NFX1: variants seen among roughly 807,000 people sequenced by gnomAD.
The protein encoded by NFX1 is nuclear transcription factor, X-box binding 1, also known as transcriptional repressor NF-X1.
A neutral mutation model predicts 137.2 loss-of-function variants in NFX1; 69 were observed. The ratio of observed to expected loss-of-function variants is 0.50; its 90% confidence interval spans 0.41 to 0.61. The LOEUF is 0.61. Ranked by LOEUF, NFX1 falls within the 20% of genes least tolerant of loss-of-function variation. NFX1 has a pLI of 0.00. For missense variants in NFX1, 1,167 were observed against 1,391.0 expected (o/e 0.84, Z 2.56); for synonymous variants, 495 against 474.1 (o/e 1.04, Z -0.57).
At position 33,326,413 on chromosome 9, in the gene NFX1, TAAAAAAAAAAAA is replaced by T. The variant is rs368993458; in HGVS notation, c.1907-2155_1907-2144del. On this transcript the variant is annotated intron_variant, in intron 9 of 23. Coordinates refer to ENST00000379540, the MANE Select transcript of NFX1 (RefSeq NM_002504.6). ...GGGCAACAGAGCAAGCCTCTGTCTT[TAAAAAAAAAAAA>T]AAAAAAAAAAAAGCTGGGCACTGTA... 4.5e-5 allele frequency among the ~76,000 whole-genome samples: 4 copies of T among 88,792 alleles called. 1 individual carries two copies. The highest frequency in any genetic ancestry group is 4.0e-4 in the Admixed American group (3 of 7,582). 58.3% of individuals were successfully genotyped at this position (88,792 alleles called of 152,430 possible). A position where few individuals can be genotyped will look rare whatever the true frequency, so the allele number is the denominator to read the frequency against.
chr9:33,352,765 G>A, intron 17 of NFX1, 46 bp downstream of exon 17: 1 of 1,476,388 alleles, frequency 6.8e-7, no homozygotes, highest in Non-Finnish European at 9.5e-7. Flanking sequence ...AGGTGAAACA[G>A]ATACATGTGT....
intron 5 of NFX1, among the ~76,000 whole-genome samples, chr9:33,309,214 G>A (rs1821872369): frequency 6.6e-6 from 1 of 151,928 alleles, no homozygotes; most frequent in Non-Finnish European, 1.5e-5. Flanking sequence ...AAAATTAGCC[G>A]GGTGTGGTGG....
intron 6 of NFX1, among the ~76,000 whole-genome samples, chr9:33,313,410 G>A (rs568636250): frequency 5.3e-5 from 8 of 151,510 alleles, no homozygotes; most frequent in Admixed American, 1.3e-4. Context: ...GCAATATAGT[G>A]AGACCCTGTC....
At chr9:33,347,413 C>T (rs1390443590) in intron 15 of NFX1, among the ~76,000 whole-genome samples, 1 of 152,250 alleles carries the variant, frequency 6.6e-6, no homozygotes, top group Non-Finnish European at 1.5e-5. Flanking sequence ...ACTCAATGTC[C>T]CCTACTTCCA....
Position 33,347,022 on chromosome 9 carries a change from CT to C in NFX1, c.2345-13del, listed in dbSNP as rs1456969967. 3.1e-6 allele frequency: 5 copies of C among 1,599,008 alleles called. No individual in the cohort carries two copies. The African/African-American group carries it at 6.7e-5, about 21-fold the overall frequency. On this transcript the variant is annotated splice_polypyrimidine_tract_variant and intron_variant, in intron 14 of 23. Coordinates refer to ENST00000379540, the MANE Select transcript of NFX1 (RefSeq NM_002504.6). ...ATTTAGAAAGTATTCCTAAAGTTAC[CT>C]TTCTCTTTCTGCAGTATATCATTCT...
chr9:33,295,238 C>G lies in NFX1; in HGVS notation c.844C>G (p.Pro282Ala), dbSNP rs148726750. ...AGHRNNMGPI[P>A]KDDLNERPAK... ...ACACAGAAACAACATGGGCCCCATT[C>G]CAAAGGATGACCTCAATGAAAGACC... is the stretch of plus-strand genomic sequence containing the variant. Residue 282 changes from proline to alanine, a missense_variant, in exon 2 of 24, where the codon CCA becomes GCA. By Grantham distance (27) the Pro-to-Ala change is conservative. Transcript: ENST00000379540. 5 of 1,614,058 alleles carry G rather than the reference C, an allele frequency of 3.1e-6. No individual in the cohort carries two copies. The highest frequency in any genetic ancestry group is 4.2e-6 in the Non-Finnish European group (5 of 1,180,010).
intron 1 of NFX1, 123 bp downstream of exon 1, chr9:33,290,720 T>C (rs1821125913): frequency 1.0e-6 from 1 of 973,934 alleles, no homozygotes; most frequent in Non-Finnish European, 1.5e-6. Flanking sequence ...CGTAGGATAG[T>C]GGCTCGGAAG....
chr9:33,322,029 C>T (rs1250068390), intron 9 of NFX1, among the ~76,000 whole-genome samples: 8 of 151,384 alleles, frequency 5.3e-5, no homozygotes, highest in Non-Finnish European at 8.8e-5. Flanking sequence ...GATGAAACCC[C>T]GTCTCTACTA....
chr9:33,319,558 C>T (rs955427515), intron 9 of NFX1, among the ~76,000 whole-genome samples: 12 of 151,870 alleles, frequency 7.9e-5, no homozygotes. Context: ...CGCCCCAGCT[C>T]GAGTGCAGTG....
intron 23 of NFX1, among the ~76,000 whole-genome samples, chr9:33,368,190 G>A (rs755328581): frequency 2.0e-5 from 3 of 151,848 alleles, no homozygotes; most frequent in Non-Finnish European, 4.4e-5. Flanking sequence ...AGCCGAGATC[G>A]CACCACTGCA....
Position 33,342,790 on chromosome 9 carries a change from T to C in NFX1, c.2160T>C (p.Arg720=). ...CTTTGATTTGTGGGAGGAAACTCCG[T>C]TGTGGCCTTCATAGGTGTGAAGAAC... ...KCPLICGRKL[R]CGLHRCEEPC... Residue 720 remains arginine (R), a synonymous_variant, in exon 13 of 24, where the codon CGT becomes CGC. Transcript: ENST00000379540. 1 of 1,613,892 alleles carries C rather than the reference T, an allele frequency of 6.2e-7. No homozygotes were observed. The highest frequency in any genetic ancestry group is 8.5e-7 in the Non-Finnish European group (1 of 1,179,930).
intron 19 of NFX1, among the ~76,000 whole-genome samples, chr9:33,362,950 C>T (rs1375934733): frequency 4.6e-5 from 7 of 151,574 alleles, no homozygotes; most frequent in South Asian, 2.1e-4. Context: ...GTGATCCGCC[C>T]GCCTCGGCCT....
chr9:33,347,213 C>A, intron 15 of NFX1, 96 bp downstream of exon 15: 4 of 923,424 alleles, frequency 4.3e-6, no homozygotes, highest in Admixed American at 2.4e-5. Context: ...AAAGTAAATA[C>A]ACTCAGAAGT....
At position 33,295,396 on chromosome 9, in the gene NFX1, C is replaced by G; in HGVS notation, c.1002C>G (p.Asn334Lys). 1 of 1,613,786 alleles carries G rather than the reference C, an allele frequency of 6.2e-7. No homozygotes were observed. The highest frequency in any genetic ancestry group is 2.2e-5 in the East Asian group (1 of 44,876). The stretch of plus-strand genomic sequence containing the variant: ...CTCCTTTCTCCCGAGGCAAACAGAA[C>G]CATGTGCTAAAGAATGTGGAAACGC... ...VVSPFSRGKQ[N>K]HVLKNVETHT... Residue 334 changes from asparagine (N) to lysine (K), a missense_variant, in exon 2 of 24, where the codon AAC becomes AAG. Physicochemically the swap from Asn to Lys is moderately conservative, Grantham distance 94 (BLOSUM62 0). Coordinates refer to ENST00000379540, the MANE Select transcript of NFX1 (RefSeq NM_002504.6).
At chr9:33,342,117 G>GTC (rs751667686) in intron 12 of NFX1, among the ~76,000 whole-genome samples, 19 of 139,282 alleles carry the variant, frequency 1.4e-4, no homozygotes, top group Non-Finnish European at 1.8e-4. Context: ...CCCTGTCTCT[G>GTC]TCTCTCTCTC....
intron 15 of NFX1, among the ~76,000 whole-genome samples, chr9:33,351,295 A>C (rs1466529000): frequency 6.6e-6 from 1 of 151,922 alleles, no homozygotes; most frequent in African/African-American, 2.4e-5. Context: ...CCATCTCTTA[A>C]AAAAAAATTC....
intron 9 of NFX1, among the ~76,000 whole-genome samples, chr9:33,327,447 C>T (rs1202398147): frequency 1.3e-5 from 2 of 152,204 alleles, no homozygotes; most frequent in African/African-American, 2.4e-5. Context: ...TCACTGCAAC[C>T]TCCGCCTCCC....
rs1309380593 is a variant in NFX1 at position 33,370,801 on chromosome 9, G to A, written c.*823G>A. 1 of 152,194 alleles carries A rather than the reference G, an allele frequency of 6.6e-6. No individual in the cohort carries two copies. The highest frequency in any genetic ancestry group is 6.5e-5 in the Admixed American group (1 of 15,270). 9.4% of individuals were successfully genotyped at this position (152,194 alleles called of 1,614,324 possible). A position where few individuals can be genotyped will look rare whatever the true frequency, so the allele number is the denominator to read the frequency against. ...ATATCCCTAACTCCTCTTTGATAGA[G>A]AAAGAGTCTCAAATGGACAACTGTC... On this transcript the variant is annotated 3_prime_UTR_variant, in exon 24 of 24. Coordinates refer to ENST00000379540, the MANE Select transcript of NFX1 (RefSeq NM_002504.6).
intron 15 of NFX1, among the ~76,000 whole-genome samples, chr9:33,347,472 C>T (rs866810586): frequency 6.6e-6 from 1 of 152,048 alleles, no homozygotes; most frequent in South Asian, 2.1e-4. Flanking sequence ...CTTTAAAATA[C>T]CAAATTTTTT....
Sources: allele counts gnomAD v4.1 joint callset (sites outside exome capture counted in the v4.1 genomes callset), GRCh38; gene constraint gnomAD v4.1.1; transcripts MANE v1.5; gene names NCBI Gene and HGNC (gene_info 2026-07-23, HGNC 2026-07-21).